Variants in CNTN5 observed in about 807,000 individuals in gnomAD.
CNTN5 encodes contactin-5.
A neutral mutation model predicts 129.1 loss-of-function variants in CNTN5; 77 were observed. The observed-to-expected ratio is 0.60, with a 90% confidence interval of 0.50 to 0.72. CNTN5 has a LOEUF of 0.72. Among genes scored for constraint, CNTN5 ranks in the 30% least tolerant of loss-of-function variants. The probability of loss-of-function intolerance (pLI) is 0.00; values close to 1 mark genes in which losing one functional copy is unlikely to be tolerated. For synonymous variants in CNTN5, 509 were observed against 465.6 expected, an observed-to-expected ratio of 1.09 and a Z score of -1.20; for missense variants, 1,478 against 1,328.8, an observed-to-expected ratio of 1.11 and a Z score of -1.75.
intron 2 of CNTN5, among the ~76,000 whole-genome samples, chr11:99,444,455 A>C (rs995541190): frequency 2.0e-5 from 3 of 152,170 alleles, no homozygotes; most frequent in African/African-American, 7.2e-5. Flanking sequence ...AAAATGCCCA[A>C]TCTCACTATG....
chr11:99,215,454 G>A (rs992992424), intron 1 of CNTN5, among the ~76,000 whole-genome samples: 1 of 152,048 alleles, frequency 6.6e-6, no homozygotes, highest in Non-Finnish European at 1.5e-5. Context: ...ACCTCCTAAT[G>A]GCTTGGAGTA....
At chr11:99,023,033 C>T (rs954638237) in intron 1 of CNTN5, among the ~76,000 whole-genome samples, 2 of 152,138 alleles carry the variant, frequency 1.3e-5, no homozygotes, top group Admixed American at 6.6e-5. Flanking sequence ...GAGGCACATG[C>T]ACACCAAGGT....
intron 1 of CNTN5, among the ~76,000 whole-genome samples, chr11:99,304,584 A>G (rs1014790683): frequency 6.6e-6 from 1 of 152,166 alleles, no homozygotes; most frequent in African/African-American, 2.4e-5. Flanking sequence ...ACAAATCTGG[A>G]TGCAGTTCAC....
chr11:99,811,461 T>C (rs1432629022), intron 3 of CNTN5, among the ~76,000 whole-genome samples: 1 of 139,604 alleles, frequency 7.2e-6, no homozygotes, highest in African/African-American at 2.8e-5. Context: ...ATTTTATTTA[T>C]AATATTTATA....
chr11:99,710,206 G>A (rs11221075), intron 3 of CNTN5, among the ~76,000 whole-genome samples: 14,980 of 151,676 alleles, frequency 0.099, 1,028 homozygotes, highest in South Asian at 0.29. Flanking sequence ...TAGGGTCACC[G>A]CTGTTGTTGT....
At chr11:99,108,497 A>T (rs1380751643) in intron 1 of CNTN5, among the ~76,000 whole-genome samples, 4 of 152,130 alleles carry the variant, frequency 2.6e-5, no homozygotes, top group African/African-American at 9.7e-5. Flanking sequence ...GCGTTACTGG[A>T]AGTGTAGTAA....
chr11:99,610,976 C>T (rs1950576579), intron 3 of CNTN5, among the ~76,000 whole-genome samples: 1 of 152,180 alleles, frequency 6.6e-6, no homozygotes, highest in African/African-American at 2.4e-5. Context: ...CAAAGCAAAT[C>T]ATTGAAACTG....
intron 8 of CNTN5, 132 bp downstream of exon 8, chr11:99,957,141 T>A: frequency 1.3e-6 from 1 of 768,966 alleles, no homozygotes; most frequent in Non-Finnish European, 2.0e-6. Flanking sequence ...ATTTAGACAC[T>A]ACATTTTTAG....
At chr11:100,232,856 A>G (rs557218878) in intron 16 of CNTN5, among the ~76,000 whole-genome samples, 1 of 152,336 alleles carries the variant, frequency 6.6e-6, no homozygotes, top group Non-Finnish European at 1.5e-5. Flanking sequence ...TAATAAACAT[A>G]GCTAACATTT....
intron 3 of CNTN5, among the ~76,000 whole-genome samples, chr11:99,659,050 G>T (rs1369703793): frequency 6.6e-6 from 1 of 152,018 alleles, no homozygotes; most frequent in South Asian, 2.1e-4. Context: ...GATTTACTTG[G>T]AGATGGGCAC....
intron 3 of CNTN5, among the ~76,000 whole-genome samples, chr11:99,588,212 C>T (rs191520058): frequency 2.6e-5 from 4 of 151,988 alleles, no homozygotes; most frequent in South Asian, 2.1e-4. Context: ...GGCCTATTGG[C>T]GGACGCCTAT....
chr11:99,070,399 T>C (rs1865295057), intron 1 of CNTN5, among the ~76,000 whole-genome samples: 1 of 152,080 alleles, frequency 6.6e-6, no homozygotes, highest in South Asian at 2.1e-4. Flanking sequence ...ATGGTTTCTA[T>C]TAATAAAAAT....
intron 1 of CNTN5, among the ~76,000 whole-genome samples, chr11:99,133,134 T>C (rs1591251155): frequency 6.6e-6 from 1 of 152,084 alleles, no homozygotes; most frequent in Non-Finnish European, 1.5e-5. Flanking sequence ...TTGAAAAACC[T>C]GACAGAAACA....
chr11:99,594,723 C>T (rs190837445), intron 3 of CNTN5, among the ~76,000 whole-genome samples: 56 of 152,258 alleles, frequency 3.7e-4, no homozygotes, highest in East Asian at 1.2e-3. Context: ...TTTGCCACAC[C>T]GCTGTTAATG....
chr11:99,897,885 G>A (rs1427386543), intron 6 of CNTN5, among the ~76,000 whole-genome samples: 1 of 152,104 alleles, frequency 6.6e-6, no homozygotes, highest in African/African-American at 2.4e-5. Context: ...ATGATCTGCT[G>A]TCTTCAGGAG....
chr11:100,186,361 C>A (rs1948301690), intron 13 of CNTN5, among the ~76,000 whole-genome samples: 1 of 152,084 alleles, frequency 6.6e-6, no homozygotes, highest in Non-Finnish European at 1.5e-5. Context: ...GGTGACAGAG[C>A]AAGACCTTGT....
intron 15 of CNTN5, among the ~76,000 whole-genome samples, chr11:100,209,346 T>C (rs1948976983): frequency 6.6e-6 from 1 of 152,204 alleles, no homozygotes; most frequent in Non-Finnish European, 1.5e-5. Flanking sequence ...CAACATGAAC[T>C]AGGTAAACTG....
At chr11:99,810,746 G>T (rs1037678238) in intron 3 of CNTN5, among the ~76,000 whole-genome samples, 1 of 152,112 alleles carries the variant, frequency 6.6e-6, no homozygotes, top group African/African-American at 2.4e-5. Context: ...AAATTGCAGA[G>T]TTAACATTAA....
chr11:99,215,915 A>G (rs1199510577), intron 1 of CNTN5, among the ~76,000 whole-genome samples: 1 of 152,134 alleles, frequency 6.6e-6, no homozygotes, highest in Non-Finnish European at 1.5e-5. Flanking sequence ...TAATGGTTGT[A>G]TATATTCATG....
Sources: allele counts gnomAD v4.1 joint callset (sites outside exome capture counted in the v4.1 genomes callset), GRCh38; gene constraint gnomAD v4.1.1; transcripts MANE v1.5; gene names NCBI Gene and HGNC (gene_info 2026-07-23, HGNC 2026-07-21).